The following EXPH5 variants were observed in gnomAD, a reference collection of about 807,000 sequenced individuals.
The protein encoded by EXPH5 is exophilin-5.
A neutral mutation model predicts 41.1 loss-of-function variants in EXPH5; 42 were observed. That is an observed-to-expected ratio of 1.02 (90% confidence interval 0.80 to 1.32). The LOEUF (loss-of-function observed/expected upper bound fraction) is 1.32, where lower values mean the gene tolerates loss of function less well. Among genes scored for constraint, EXPH5 ranks in the 40% most tolerant of loss-of-function variants. EXPH5 has a pLI of 0.00. For synonymous variants in EXPH5, 798 were observed against 833.5 expected, an observed-to-expected ratio of 0.96 and a Z score of 0.73; for missense variants, 2,298 against 2,314.5, an observed-to-expected ratio of 0.99 and a Z score of 0.15.
intron 1 of EXPH5, among the ~76,000 whole-genome samples, chr11:108,562,420 G>A (rs921170655): frequency 4.0e-5 from 6 of 151,034 alleles, no homozygotes; most frequent in African/African-American, 9.8e-5. Flanking sequence ...GGAGAAACCC[G>A]TTCTCTACTA....
chr11:108,576,871 T>G (rs1074014), intron 1 of EXPH5, among the ~76,000 whole-genome samples: 1 of 151,966 alleles, frequency 6.6e-6, no homozygotes, highest in Non-Finnish European at 1.5e-5. Flanking sequence ...GCCAAGTCCT[T>G]TTCATCCTCC....
At chr11:108,518,198 T>A (rs1031754004) in intron 5 of EXPH5, 37 bp downstream of exon 5, 2 of 1,591,014 alleles carry the variant, frequency 1.3e-6, no homozygotes, top group African/African-American at 2.7e-5. Flanking sequence ...CCTTTAGTTA[T>A]CAGTAGTTGC....
At chr11:108,561,367 T>G (rs543423288) in intron 1 of EXPH5, among the ~76,000 whole-genome samples, 3 of 152,064 alleles carry the variant, frequency 2.0e-5, no homozygotes, top group Middle Eastern at 6.8e-3. Flanking sequence ...TTGTTTTGTT[T>G]TGTTTTGTTT....
chr11:108,573,182 AAGAAAGAAAGAAAGAAAAAG>A (rs2094068047), intron 1 of EXPH5, among the ~76,000 whole-genome samples: 1 of 141,598 alleles, frequency 7.1e-6, no homozygotes, highest in Non-Finnish European at 1.5e-5. Flanking sequence ...GAAAGAAAGA[AAGAAAGAAAGAAAGAAAAAG>A]AAAGAAAGAA....
chr11:108,532,352 ATATATATATATATATTTTTTTTTTTTT>A (rs1393674310), intron 3 of EXPH5, among the ~76,000 whole-genome samples: 4 of 7,656 alleles, frequency 5.2e-4, no homozygotes, highest in African/African-American at 2.4e-3. Context: ...ATATATATAT[ATATATATATATATATTTTTTTTTTTTT>A]TTTTTTTTTT....
chr11:108,513,531 T>C lies in EXPH5; in HGVS notation c.1976A>G (p.Asn659Ser). 1 of 1,614,234 alleles carries C rather than the reference T, an allele frequency of 6.2e-7. No individual in the cohort carries two copies. The highest frequency in any genetic ancestry group is 8.5e-7 in the Non-Finnish European group (1 of 1,180,040). The change falls in exon 6 of 6, where the codon AAT (asparagine) becomes AGT (serine). Residue 659 changes from asparagine (N) to serine (S), a missense_variant. Asn to Ser is a conservative substitution (Grantham distance 46). Transcript: ENST00000265843. ...TCTCATTGGATGAGAGGCAGGCTTA[T>C]TTGGAAAAATTTTCTGCAAAGTGAC... ...PTVTLQKIFP[N>S]KPASHPMRSH...
intron 3 of EXPH5, among the ~76,000 whole-genome samples, chr11:108,535,623 A>G (rs1046132547): frequency 6.6e-6 from 1 of 152,202 alleles, no homozygotes; most frequent in African/African-American, 2.4e-5. Flanking sequence ...ACAGGAAAAA[A>G]AAAGTGATCT....
intron 1 of EXPH5, among the ~76,000 whole-genome samples, chr11:108,592,205 A>G (rs2094129143): frequency 6.6e-6 from 1 of 152,208 alleles, no homozygotes; most frequent in Non-Finnish European, 1.5e-5. Context: ...TTCTCAAGGC[A>G]GATGGTATGA....
chr11:108,577,311 A>C (rs1445120101), intron 1 of EXPH5, among the ~76,000 whole-genome samples: 1 of 151,792 alleles, frequency 6.6e-6, no homozygotes, highest in African/African-American at 2.4e-5. Flanking sequence ...TTTTTGAGGA[A>C]CCTCCAAACT....
At chr11:108,577,124 T>A (rs1017377663) in intron 1 of EXPH5, among the ~76,000 whole-genome samples, 12 of 152,362 alleles carry the variant, frequency 7.9e-5, no homozygotes, top group Non-Finnish European at 1.3e-4. Context: ...TACACTACAT[T>A]TTCCTTATTC....
chr11:108,515,242 A>G (rs1247577202), intron 5 of EXPH5, among the ~76,000 whole-genome samples: 2 of 152,166 alleles, frequency 1.3e-5, no homozygotes. Flanking sequence ...TTAATAATGC[A>G]GACATTGAAT....
chr11:108,513,352 G>C lies in EXPH5; in HGVS notation c.2155C>G (p.Gln719Glu). 1 of 1,613,968 alleles carries C rather than the reference G, an allele frequency of 6.2e-7. No homozygotes were observed. Among genetic ancestry groups the C allele is most frequent in the Non-Finnish European group, 8.5e-7 (1 of 1,179,932 alleles). Reference sequence around the variant, plus strand: ...GGTATTTCACCTGCCTTGTTTGTCTGGTCCATCTTGCTTAGCTGTTTGTCT... The same window carrying C: ...GGTATTTCACCTGCCTTGTTTGTCTCGTCCATCTTGCTTAGCTGTTTGTCT... Reference protein sequence around the residue: ...EEDKQLSKMDQTNKAGEIPQP... With the variant: ...EEDKQLSKMDETNKAGEIPQP... Residue 719 changes from glutamine to glutamate, a missense_variant, in exon 6 of 6, where the codon CAG (glutamine) becomes GAG (glutamate). Coordinates refer to ENST00000265843, the MANE Select transcript of EXPH5 (RefSeq NM_015065.3).
At chr11:108,580,496 T>C (rs1014163349) in intron 1 of EXPH5, among the ~76,000 whole-genome samples, 2 of 152,212 alleles carry the variant, frequency 1.3e-5, no homozygotes, top group African/African-American at 2.4e-5. Context: ...GAGAACAGTA[T>C]GGAAGGTCCT....
chr11:108,515,838 C>T (rs941026765), intron 5 of EXPH5, among the ~76,000 whole-genome samples: 2 of 151,950 alleles, frequency 1.3e-5, no homozygotes, highest in African/African-American at 2.4e-5. Context: ...TTTGGGAGGC[C>T]GAGGCGGGCG....
intron 2 of EXPH5, among the ~76,000 whole-genome samples, chr11:108,539,593 T>C (rs1016959087): frequency 5.9e-5 from 9 of 152,170 alleles, no homozygotes; most frequent in African/African-American, 2.2e-4. Context: ...CTGAAGAAAG[T>C]AAAGGAAAAG....
At chr11:108,588,381 C>G (rs983772842) in intron 1 of EXPH5, among the ~76,000 whole-genome samples, 8 of 152,028 alleles carry the variant, frequency 5.3e-5, no homozygotes, top group Admixed American at 5.2e-4. Context: ...TGGATAGATC[C>G]CAGTCCTGGT....
chr11:108,536,054 T>A (rs1293549066), intron 3 of EXPH5, among the ~76,000 whole-genome samples: 3 of 152,190 alleles, frequency 2.0e-5, no homozygotes, highest in African/African-American at 7.2e-5. Context: ...TGCAGGAAGA[T>A]GTTGAGGGAA....
In EXPH5 at chr11:108,543,008, C is replaced by T. The variant is rs918224154; in HGVS notation, c.120-1196G>A. On this transcript the variant is annotated intron_variant, in intron 1 of 5. Transcript: ENST00000265843. ...TGCTGGGACTACAGGCATCAGCCAC[C>T]GCACCCTGCAGAATATAATGGTCTT... Among the ~76,000 whole-genome samples the T allele has an allele frequency of 1.6e-4, 24 of 152,192 alleles. 1 individual carries two copies. The highest frequency in any genetic ancestry group is 5.8e-4 in the East Asian group (3 of 5,174).
In EXPH5 at chr11:108,512,765, T is replaced by G. The variant is rs760006632; in HGVS notation, c.2742A>C (p.Lys914Asn). 1 of 1,613,914 alleles carries G rather than the reference T, an allele frequency of 6.2e-7. No homozygotes were observed. Among genetic ancestry groups the G allele is most frequent in the South Asian group, 1.1e-5 (1 of 90,990 alleles). ...TVFSRRSPSD[K>N]DPSLGEREEK... ...CTTCTCTTTCTCCTAGCGATGGATC[T>G]TTGTCTGAAGGACTTCTCCTGGAGA... is the stretch of plus-strand genomic sequence containing the variant. Residue 914 changes from lysine (K) to asparagine (N), a missense_variant, in exon 6 of 6, where the codon AAA (lysine) becomes AAC (asparagine). Physicochemically the swap from Lys to Asn is moderately conservative, Grantham distance 94 (BLOSUM62 0). Coordinates refer to ENST00000265843, the MANE Select transcript of EXPH5 (RefSeq NM_015065.3).
Sources: gnomAD v4.1 joint callset for allele counts (sites outside exome capture counted in the v4.1 genomes callset) on GRCh38, gnomAD v4.1.1 for gene constraint, MANE v1.5 for transcripts, NCBI Gene and HGNC (gene_info 2026-07-23, HGNC 2026-07-21) for gene names.